SLC37A1: variants seen among roughly 807,000 people sequenced by gnomAD.
SLC37A1 encodes solute carrier family 37 member 1.
In SLC37A1, 49 loss-of-function variants were observed where a neutral mutation model predicts 75.3. The ratio of observed to expected loss-of-function variants is 0.65; its 90% CI spans 0.52 to 0.83. The LOEUF (loss-of-function observed/expected upper bound fraction) is 0.83. SLC37A1 is among the 40% of genes least tolerant of loss of function. SLC37A1 has a pLI of 0.00. For missense variants in SLC37A1, 566 were observed against 695.0 expected (o/e 0.81, Z 2.09); for synonymous variants, 268 against 292.1 (o/e 0.92, Z 0.84).
intron 15 of SLC37A1, among the ~76,000 whole-genome samples, chr21:42,566,620 G>A (rs953633021): frequency 2.6e-5 from 4 of 152,142 alleles, no homozygotes; most frequent in African/African-American, 9.7e-5. Flanking sequence ...TGAGCCTAGA[G>A]GAGAGTTTAG....
chr21:42,566,628 T>G (rs1381554159), intron 15 of SLC37A1, among the ~76,000 whole-genome samples: 1 of 152,070 alleles, frequency 6.6e-6, no homozygotes, highest in Non-Finnish European at 1.5e-5. Context: ...GAGGAGAGTT[T>G]AGGAAATGAC....
At chr21:42,566,415 A>C (rs1457672880) in intron 15 of SLC37A1, among the ~76,000 whole-genome samples, 3 of 152,234 alleles carry the variant, frequency 2.0e-5, no homozygotes, top group Non-Finnish European at 4.4e-5. Flanking sequence ...ACCTTGGAGG[A>C]CTATTTTGAA....
In SLC37A1 at chr21:42,548,647, C is replaced by T. The variant is rs2146916952; in HGVS notation, c.768+1507C>T. 2.0e-5 allele frequency among the ~76,000 whole-genome samples: 3 copies of T among 152,332 alleles called. 1 individual carries two copies. In the Middle Eastern group the frequency reaches 0.01, roughly 518 times the overall value. On this transcript the variant is annotated intron_variant, in intron 9 of 19. Transcript: ENST00000352133. This position sits in a 1 kb window ranked among gnomAD's most constrained non-coding sequence, Gnocchi z 5.6. Reference sequence around the variant, plus strand: ...CCTAGAACGATCCACTCTTGCTCCCCAGAATCTCTTCTTCACACCGCACTT... The same window carrying T: ...CCTAGAACGATCCACTCTTGCTCCCTAGAATCTCTTCTTCACACCGCACTT...
chr21:42,541,537 G>A (rs937375763), intron 6 of SLC37A1, among the ~76,000 whole-genome samples: 1 of 152,214 alleles, frequency 6.6e-6, no homozygotes, highest in Non-Finnish European at 1.5e-5. Flanking sequence ...GTCCCTTCAT[G>A]AAACTCAAGT....
At chr21:42,507,058 A>G (rs2054389982) in intron 2 of SLC37A1, among the ~76,000 whole-genome samples, 2 of 151,598 alleles carry the variant, frequency 1.3e-5, no homozygotes, top group Non-Finnish European at 2.9e-5. Context: ...AATTTTTTGT[A>G]TTTCAGTAGA....
chr21:42,562,016 A>G (rs778936340), intron 11 of SLC37A1, 62 bp from the exon 12 acceptor site: 1 of 1,345,180 alleles, frequency 7.4e-7, no homozygotes, highest in Non-Finnish European at 1.1e-6. Flanking sequence ...ACTCTGTTGC[A>G]TGTTTACACA....
At chr21:42,524,764 C>T (rs2054737248) in intron 2 of SLC37A1, among the ~76,000 whole-genome samples, 1 of 152,164 alleles carries the variant, frequency 6.6e-6, no homozygotes, top group South Asian at 2.1e-4. Context: ...GATATTGTGA[C>T]GTAATAATAA....
At position 42,580,355 on chromosome 21, in the gene SLC37A1, C is replaced by T. The variant is rs2056401862; in HGVS notation, c.1597C>T (p.Gln533Ter). 6.2e-7 allele frequency: 1 copy of T among 1,613,348 alleles called. No homozygotes were observed. The change falls in exon 20 of 20, where the codon CAG (glutamine) becomes TAG (stop). Residue 533 changes from glutamine (Q) to a stop codon, truncating the protein, a stop_gained. Coordinates refer to ENST00000352133, the MANE Select transcript of SLC37A1 (RefSeq NM_001320537.2). LOFTEE classifies it high-confidence loss of function. ...CAACCTTTCTTTCAGATTTAAGGAA[C>T]AGTGACACCCCACCCCAGTCCCGTG... ...ATGDQVPFKE[Q>*]
rs368753639 is a variant in SLC37A1, at chr21:42,528,551, C to T, written c.138+2694C>T. 1.2e-4 allele frequency among the ~76,000 whole-genome samples: 18 copies of T among 152,298 alleles called. 4 individuals carry two copies. The highest frequency in any genetic ancestry group is 1.9e-4 in the East Asian group (1 of 5,182). On this transcript the variant is annotated intron_variant, in intron 3 of 19. Transcript: ENST00000352133. Reference sequence around the variant, plus strand: ...ACTTAAAAGGAGAAAACTGGCTAGGCGCAGTGGCTCACGCCTGTAATCCCA... The same window carrying T: ...ACTTAAAAGGAGAAAACTGGCTAGGTGCAGTGGCTCACGCCTGTAATCCCA...
chr21:42,544,023 C>G (rs2146891092), intron 8 of SLC37A1, among the ~76,000 whole-genome samples: 1 of 152,338 alleles, frequency 6.6e-6, no homozygotes, highest in East Asian at 1.9e-4. Context: ...AATATCTTAA[C>G]TGGGTAAAAA....
chr21:42,508,569 A>G (rs2054406026), intron 2 of SLC37A1: 1 of 152,228 alleles, frequency 6.6e-6, no homozygotes, highest in Non-Finnish European at 1.5e-5. Context: ...CATTCTACCT[A>G]TAGGCATAAA....
intron 17 of SLC37A1, among the ~76,000 whole-genome samples, chr21:42,571,273 G>T (rs764257619): frequency 6.6e-6 from 1 of 152,190 alleles, no homozygotes; most frequent in South Asian, 2.1e-4. Context: ...GGGTGGAGGC[G>T]AAACATGACT....
At position 42,564,223 on chromosome 21, in the gene SLC37A1, C is replaced by CAAAAAAAAAAAA. The variant is rs59155326; in HGVS notation, c.1135+351_1135+362dup. On this transcript the variant is annotated intron_variant, in intron 13 of 19. Transcript: ENST00000352133. ...GGCAACATAACAAGACCCCTCTCTA[C>CAAAAAAAAAAAA]AAAAAAAAAAAAAAAAGCATAGCTG... 1.4e-4 allele frequency among the ~76,000 whole-genome samples: 11 copies of CAAAAAAAAAAAA among 79,946 alleles called. 1 individual carries two copies. The highest frequency in any genetic ancestry group is 8.8e-3 in the Middle Eastern group (1 of 114). 52.4% of individuals were successfully genotyped at this position (79,946 alleles called of 152,430 possible).
At chr21:42,555,189 T>C (rs1364624547) in intron 10 of SLC37A1, among the ~76,000 whole-genome samples, 1 of 152,014 alleles carries the variant, frequency 6.6e-6, no homozygotes, top group East Asian at 1.9e-4. Context: ...GGTTTCACCA[T>C]GTTGGCCAGG....
At chr21:42,501,577 T>G (rs918046375) in intron 1 of SLC37A1, among the ~76,000 whole-genome samples, 1 of 152,156 alleles carries the variant, frequency 6.6e-6, no homozygotes, top group Non-Finnish European at 1.5e-5. Context: ...CTGGGCATGG[T>G]GGCGGGCGCC....
chr21:42,501,891 A>G (rs1352952000), intron 1 of SLC37A1, among the ~76,000 whole-genome samples: 2 of 152,080 alleles, frequency 1.3e-5, no homozygotes, highest in African/African-American at 4.8e-5. Flanking sequence ...CCTGTGCTAC[A>G]TGGGGCTGTA....
chr21:42,504,635 G>A (rs1363540245), intron 2 of SLC37A1, among the ~76,000 whole-genome samples: 3 of 152,118 alleles, frequency 2.0e-5, no homozygotes, highest in East Asian at 3.8e-4. Context: ...CAAGACAGGC[G>A]TCTTACTCCC....
chr21:42,572,696 G>GAAAAAAAAAAAAA, intron 17 of SLC37A1, among the ~76,000 whole-genome samples: 6 of 32,882 alleles, frequency 1.8e-4, no homozygotes, highest in Non-Finnish European at 4.4e-4. Context: ...AAAAAAGAGT[G>GAAAAAAAAAAAAA]TGTCCTGAGG....
At chr21:42,530,654 A>ACACACACACACACACACACACAC (rs1161313598) in intron 3 of SLC37A1, among the ~76,000 whole-genome samples, 6 of 35,878 alleles carry the variant, frequency 1.7e-4, no homozygotes, top group Non-Finnish European at 3.1e-4. Flanking sequence ...ACACACACAC[A>ACACACACACACACACACACACAC]CCCCCTCTGT....
Sources: gnomAD v4.1 joint callset for allele counts (sites outside exome capture counted in the v4.1 genomes callset) on GRCh38, gnomAD v4.1.1 for gene constraint, Gnocchi (gnomAD v3.1) non-coding constraint, MANE v1.5 for transcripts, NCBI Gene and HGNC (gene_info 2026-07-23, HGNC 2026-07-21) for gene names.